The following PLB1 variants were observed in gnomAD, a reference collection of about 807,000 sequenced individuals.
PLB1 encodes phospholipase B1.
PLB1 carries 242 observed loss-of-function variants against 227.4 expected under a neutral mutation model. That is an observed-to-expected ratio of 1.06 (90% confidence interval 0.96 to 1.18). The LOEUF (loss-of-function observed/expected upper bound fraction) is 1.18. Among genes scored for constraint, PLB1 ranks in the 50% most tolerant of loss-of-function variants. The pLI is 0.00. For synonymous variants in PLB1, 757 were observed against 682.2 expected (o/e 1.11, Z -1.71); for missense variants, 1,858 against 1,816.3 (o/e 1.02, Z -0.42).
intron 19 of PLB1, 127 bp from the exon 20 acceptor site, chr2:28,566,669 G>T: frequency 9.9e-7 from 1 of 1,006,244 alleles, no homozygotes. Flanking sequence ...TGAAGTGATG[G>T]GGAAAGTGCA....
At chr2:28,544,406 A>C (rs72861725) in intron 14 of PLB1, among the ~76,000 whole-genome samples, 5,062 of 152,286 alleles carry the variant, frequency 0.033, 307 homozygotes, top group African/African-American at 0.12. Flanking sequence ...AGCTCAGCCA[A>C]ACCTCTCCTC....
At position 28,632,137 on chromosome 2, in the gene PLB1, C is replaced by G; in HGVS notation, c.3999C>G (p.Asn1333Lys). ...PFFQNTLTPL[N>K]ERGDTDLTFF... ...TCCAAAACACACTCACCCCACTGAA[C>G]GAGGTGAGCTGCAGGTATTTTAGGG... Residue 1333 changes from asparagine to lysine, a missense_variant, in exon 55 of 58, where the codon AAC (asparagine) becomes AAG (lysine). Transcript: ENST00000327757. The G allele has an allele frequency of 6.2e-7, 1 of 1,611,214 alleles. No homozygotes were observed. Among genetic ancestry groups the G allele is most frequent in the Middle Eastern group, 1.7e-4 (1 of 6,052 alleles).
intron 53 of PLB1, among the ~76,000 whole-genome samples, chr2:28,629,871 C>T (rs1426791362): frequency 2.6e-5 from 4 of 152,174 alleles, no homozygotes; most frequent in African/African-American, 9.7e-5. Flanking sequence ...GGCAGAGGGC[C>T]TCCCACAGTT....
chr2:28,545,788 T>C lies in PLB1; in HGVS notation c.936+2520T>C, dbSNP rs564174081. ...CGAGGTGGAAGGCAGGTGTACCTGT[T>C]CTGTGTCTACCCTCGCAGACACACA... On this transcript the variant is annotated intron_variant, in intron 14 of 57. Transcript: ENST00000327757. Among the ~76,000 whole-genome samples the C allele has an allele frequency of 1.2e-4, 19 of 152,234 alleles. 1 individual carries two copies. The East Asian group carries it at 3.5e-3, about 28-fold the overall frequency.
chr2:28,620,784 C>T, intron 48 of PLB1, 95 bp from the exon 49 acceptor site: 2 of 1,480,490 alleles, frequency 1.4e-6, no homozygotes, highest in South Asian at 2.3e-5. Context: ...CTCCTGTGTC[C>T]CACCCATGTC....
rs781679580 is a variant in PLB1, at chr2:28,566,838, G to T, written c.1323G>T (p.Ala441=). The T allele has an allele frequency of 6.2e-7, 1 of 1,614,000 alleles. No homozygotes were observed. ...ACATCGGCACCGTTACCACCCTGGC[G>T]AGTGAGTACGCGGCGGCGGCCGGGA... ...DENIGTVTTL[A]NILREFNPSL... is the part of the protein sequence containing the mutation. Residue 441 remains alanine, a splice_region_variant and synonymous_variant, in exon 20 of 58, where the codon GCG becomes GCT. Transcript: ENST00000327757.
At chr2:28,581,699 G>A (rs1680042522) in intron 23 of PLB1, among the ~76,000 whole-genome samples, 1 of 151,976 alleles carries the variant, frequency 6.6e-6, no homozygotes, top group Admixed American at 6.5e-5. Context: ...CAGGTGCGGT[G>A]GCTCATACCT....
chr2:28,606,097 T>C lies in PLB1; in HGVS notation c.3057+149T>C, dbSNP rs373055602. The C allele has an allele frequency of 1.8e-5, 12 of 664,254 alleles. No homozygotes were observed. The East Asian group carries it at 1.9e-4, about 10-fold the overall frequency. 41.1% of individuals were successfully genotyped at this position (664,254 alleles called of 1,614,324 possible). A position where few individuals can be genotyped will look rare whatever the true frequency, so the allele number is the denominator to read the frequency against. On this transcript the variant is annotated intron_variant, in intron 42 of 57. Coordinates refer to ENST00000327757, the MANE Select transcript of PLB1 (RefSeq NM_153021.5). Reference sequence around the variant, plus strand: ...TATGCAGTTGGAAATGCGGAGTCCTTAAGAGTCTGCTCAGCCTGGGCTCAA... The same window carrying C: ...TATGCAGTTGGAAATGCGGAGTCCTCAAGAGTCTGCTCAGCCTGGGCTCAA...
At chr2:28,534,373 CA>C (rs1403254948) in intron 9 of PLB1, among the ~76,000 whole-genome samples, 5 of 151,834 alleles carry the variant, frequency 3.3e-5, no homozygotes, top group Non-Finnish European at 5.9e-5. Flanking sequence ...ATTAGTGAGT[CA>C]AAAAATCAAT....
chr2:28,606,142 C>T (rs1684645080), intron 42 of PLB1, among the ~76,000 whole-genome samples, 194 bp downstream of exon 42: 1 of 152,190 alleles, frequency 6.6e-6, no homozygotes, highest in Non-Finnish European at 1.5e-5. Flanking sequence ...CTCCTCAGAG[C>T]TTTGAACTCT....
chr2:28,555,222 A>C (rs1001677347), intron 17 of PLB1, among the ~76,000 whole-genome samples: 6 of 146,470 alleles, frequency 4.1e-5, no homozygotes, highest in African/African-American at 1.3e-4. Flanking sequence ...GCTTACTGCA[A>C]CCTCCACCCC....
At chr2:28,510,050 G>GGT (rs1435181055) in intron 1 of PLB1, among the ~76,000 whole-genome samples, 2 of 152,146 alleles carry the variant, frequency 1.3e-5, no homozygotes, top group African/African-American at 4.8e-5. Context: ...ACATCATCAA[G>GGT]GTAAAAACAT....
chr2:28,633,667 T>C (rs1688964210), intron 56 of PLB1, among the ~76,000 whole-genome samples: 1 of 152,226 alleles, frequency 6.6e-6, no homozygotes, highest in African/African-American at 2.4e-5. Context: ...CTGGGGGTCT[T>C]TCAGGGACAC....
intron 11 of PLB1, among the ~76,000 whole-genome samples, chr2:28,539,984 A>AC (rs1572848672): frequency 3.3e-5 from 3 of 89,928 alleles, no homozygotes; most frequent in African/African-American, 1.4e-4. Flanking sequence ...TCCCATACCC[A>AC]CCCCCCAGGG....
At chr2:28,538,432 C>T (rs778230009) in intron 10 of PLB1, 51 bp downstream of exon 10, 39 of 1,533,140 alleles carry the variant, frequency 2.5e-5, no homozygotes, top group Admixed American at 7.0e-5. Context: ...CCCATTTACC[C>T]TCATGTGGCC....
At chr2:28,499,511 G>C (rs1381274053) in intron 1 of PLB1, among the ~76,000 whole-genome samples, 2 of 150,538 alleles carry the variant, frequency 1.3e-5, no homozygotes, top group African/African-American at 4.9e-5. Context: ...GCCGGCTGGT[G>C]CCTGCACAAC....
In PLB1 at chr2:28,589,794, G is replaced by A. The variant is rs114250916; in HGVS notation, c.2016+24G>A. The A allele has an allele frequency of 1.5e-3, 2,378 of 1,595,748 alleles. 33 individuals carry two copies. The African/African-American group carries it at 0.028, about 19-fold the overall frequency. Reference sequence around the variant, plus strand: ...TGGTAAGTGGCTGCGGTAGGAAAATGCATCCTCCCTCTGGTAAGAAAAAGA... The same window carrying A: ...TGGTAAGTGGCTGCGGTAGGAAAATACATCCTCCCTCTGGTAAGAAAAAGA... On this transcript the variant is annotated intron_variant, in intron 28 of 57. Coordinates refer to ENST00000327757, the MANE Select transcript of PLB1 (RefSeq NM_153021.5).
intron 39 of PLB1, among the ~76,000 whole-genome samples, chr2:28,603,690 G>A (rs1029302431): frequency 1.3e-5 from 2 of 152,146 alleles, no homozygotes; most frequent in Non-Finnish European, 2.9e-5. Flanking sequence ...CTGAATAATC[G>A]GTTGCAGGCC....
chr2:28,625,593 G>A (rs1379189934), intron 50 of PLB1, among the ~76,000 whole-genome samples: 1 of 152,008 alleles, frequency 6.6e-6, no homozygotes, highest in Admixed American at 6.6e-5. Context: ...CAAGTGGAAA[G>A]CCAACTGCTT....
Sources: allele counts gnomAD v4.1 joint callset (sites outside exome capture counted in the v4.1 genomes callset), GRCh38; gene constraint gnomAD v4.1.1; transcripts MANE v1.5; gene names NCBI Gene and HGNC (gene_info 2026-07-23, HGNC 2026-07-21).